The following POLA2 variants were observed in gnomAD, a reference collection of about 807,000 sequenced individuals.
POLA2 encodes DNA polymerase alpha 2, accessory subunit.
A neutral mutation model predicts 82.8 loss-of-function variants in POLA2; 47 were observed. That is an observed-to-expected ratio of 0.57 (90% confidence interval 0.45 to 0.72). The LOEUF (loss-of-function observed/expected upper bound fraction) is 0.72. Among genes scored for constraint, POLA2 ranks in the 30% least tolerant of loss-of-function variants. POLA2 has a pLI of 0.00. For synonymous variants in POLA2, 287 were observed against 286.8 expected, an observed-to-expected ratio of 1.00 and a Z score of -0.01; for missense variants, 634 against 728.1, an observed-to-expected ratio of 0.87 and a Z score of 1.49.
At chr11:65,300,651 C>G (rs1217595153), downstream of POLA2, among the ~76,000 whole-genome samples, 2 of 152,146 alleles carry the variant, frequency 1.3e-5, no homozygotes, top group Non-Finnish European at 2.9e-5. Flanking sequence ...GGCACGATCT[C>G]TGCTCACTGC....
At chr11:65,305,346 A>G (rs1461929277) in intron 8 of POLA2, 2 of 456,172 alleles carry the variant, frequency 4.4e-6, no homozygotes, top group South Asian at 1.5e-5. Context: ...AACTCTAACT[A>G]CACCCAAATT....
chr11:65,292,987 AAAAT>A (rs1406673568), intron 13 of POLA2, among the ~76,000 whole-genome samples: 2 of 152,220 alleles, frequency 1.3e-5, no homozygotes, highest in East Asian at 1.9e-4. Flanking sequence ...GTGGCTGGGA[AAAAT>A]AAATAGTTGG....
intron 7 of POLA2, 51 bp downstream of exon 7, chr11:65,279,677 G>A (rs1390621387): frequency 3.1e-6 from 4 of 1,273,700 alleles, no homozygotes; most frequent in South Asian, 1.2e-5. Flanking sequence ...TTTTTAAATC[G>A]ATGACCAAGA....
At chr11:65,302,198 C>T (rs1276358048), downstream of POLA2, among the ~76,000 whole-genome samples, 2 of 152,226 alleles carry the variant, frequency 1.3e-5, no homozygotes, top group Non-Finnish European at 2.9e-5. Flanking sequence ...ATCTTCTCTG[C>T]TCACTCCCAT....
At chr11:65,281,628 G>A (rs767799483) in intron 8 of POLA2, 42 bp from the exon 9 acceptor site, 33 of 1,382,924 alleles carry the variant, frequency 2.4e-5, no homozygotes, top group Non-Finnish European at 3.3e-5. Context: ...AGACCTCATT[G>A]ATCTCCACTG....
At chr11:65,284,117 GAGTAAGACACT>G (rs1949669420) in intron 10 of POLA2, among the ~76,000 whole-genome samples, 1 of 149,858 alleles carries the variant, frequency 6.7e-6, no homozygotes, top group African/African-American at 2.5e-5. Flanking sequence ...ATGGGTGAAA[GAGTAAGACACT>G]AGATAGATAG....
In POLA2 at chr11:65,268,687, A is replaced by C. The variant is rs1949489729; in HGVS notation, c.312A>C (p.Glu104Asp). Residue 104 changes from glutamate (E) to aspartate (D), a missense_variant, in exon 4 of 18, where the codon GAA becomes GAC. By Grantham distance (45) the Glu-to-Asp change is conservative. Transcript: ENST00000265465. The part of the protein sequence containing the change: ...VSIQELIEVE[E>D]EEEILLNSYT... ...GTGTTCTTAGAATTGAAGTGGAAGA[A>C]GAAGAGGAAATCCTCTTGAACTCTT... is the stretch of plus-strand genomic sequence containing the variant. 6.3e-7 allele frequency: 1 copy of C among 1,598,368 alleles called. No homozygotes were observed. The highest frequency in any genetic ancestry group is 8.5e-7 in the Non-Finnish European group (1 of 1,171,860).
At chr11:65,294,807 C>G (rs1201071109) in intron 15 of POLA2, 155 bp downstream of exon 15, 1 of 547,892 alleles carries the variant, frequency 1.8e-6, no homozygotes, top group Non-Finnish European at 3.2e-6. Flanking sequence ...CTGAGTTTCT[C>G]TGTACCCAAG....
chr11:65,271,348 C>A (rs188589719), intron 4 of POLA2, among the ~76,000 whole-genome samples: 5 of 152,278 alleles, frequency 3.3e-5, no homozygotes, highest in Admixed American at 3.3e-4. Flanking sequence ...CTTCACAGAT[C>A]CAGAATTTTA....
Position 65,269,403 on chromosome 11 carries a change from C to T in POLA2, c.354+674C>T, listed in dbSNP as rs992225459. On this transcript the variant is annotated intron_variant, in intron 4 of 17. Transcript: ENST00000265465. ...TTGGGAGGCTGAGGCAGGAGAATGG[C>T]GGGAACCTGGGAGGCAGAGCTTGCA... is the stretch of plus-strand genomic sequence containing the variant. Among the ~76,000 whole-genome samples the T allele has an allele frequency of 3.7e-4, 56 of 150,348 alleles. 3 individuals are homozygous for T. The highest frequency in any genetic ancestry group is 3.5e-3 in the Admixed American group (52 of 15,014).
chr11:65,283,655 C>G (rs1188433112), intron 10 of POLA2, among the ~76,000 whole-genome samples: 1 of 151,774 alleles, frequency 6.6e-6, no homozygotes, highest in Non-Finnish European at 1.5e-5. Context: ...TTACAAAACC[C>G]CATAGTGATG....
chr11:65,277,568 C>T (rs1232667825), intron 5 of POLA2, among the ~76,000 whole-genome samples: 8 of 152,186 alleles, frequency 5.3e-5, no homozygotes. Context: ...GCTTTCTAGA[C>T]TTAAGAGCAT....
chr11:65,276,790 CT>C (rs1267118697), intron 5 of POLA2, among the ~76,000 whole-genome samples: 287 of 137,734 alleles, frequency 2.1e-3, no homozygotes, highest in East Asian at 0.01. Context: ...AACTCTATCA[CT>C]TTTTTTTTTT....
downstream of POLA2, among the ~76,000 whole-genome samples, chr11:65,305,788 G>A (rs1239789428): frequency 6.6e-6 from 1 of 152,184 alleles, no homozygotes; most frequent in Non-Finnish European, 1.5e-5. Flanking sequence ...GTGTGAAAGG[G>A]CTTTTGTACA....
downstream of POLA2, among the ~76,000 whole-genome samples, chr11:65,301,611 G>A (rs1949859909): frequency 6.6e-6 from 1 of 152,118 alleles, no homozygotes; most frequent in Non-Finnish European, 1.5e-5. Flanking sequence ...GTGGCCGAGA[G>A]ATGGATGGGC....
chr11:65,279,935 C>T (rs1256414032), intron 7 of POLA2: 1 of 287,658 alleles, frequency 3.5e-6, no homozygotes, highest in East Asian at 6.8e-5. Context: ...GAAGCATTCA[C>T]GTATCGAGAT....
chr11:65,285,583 AAAAAAAAGAAAAAG>A (rs1281823325), intron 10 of POLA2, among the ~76,000 whole-genome samples: 2 of 151,696 alleles, frequency 1.3e-5, no homozygotes, highest in African/African-American at 4.8e-5. Context: ...TCAAAAAAAA[AAAAAAAAGAAAAAG>A]AAAAAAAAGA....
At chr11:65,267,821 C>A (rs531324166) in intron 3 of POLA2, among the ~76,000 whole-genome samples, 1 of 148,654 alleles carries the variant, frequency 6.7e-6, no homozygotes, top group East Asian at 2.0e-4. Context: ...GTTGGAGTTT[C>A]GCTCTTTTTG....
At position 65,280,771 on chromosome 11, in the gene POLA2, G is replaced by A; in HGVS notation, c.745-221G>A. The A allele has an allele frequency of 5.6e-6, 3 of 534,348 alleles. No homozygotes were observed. In the South Asian group the frequency reaches 6.4e-5, roughly 11 times the overall value. 33.1% of individuals were successfully genotyped at this position (534,348 alleles called of 1,614,324 possible). On this transcript the variant is annotated intron_variant, in intron 7 of 17. Transcript: ENST00000265465. The stretch of plus-strand genomic sequence containing the variant: ...TCACACTTAGGCAGCCTCCTAGGAA[G>A]GCTCAAGTGCTGGGTGGATGGGTGG...
Sources: gnomAD v4.1 joint callset for allele counts (sites outside exome capture counted in the v4.1 genomes callset) on GRCh38, gnomAD v4.1.1 for gene constraint, MANE v1.5 for transcripts, NCBI Gene and HGNC (gene_info 2026-07-23, HGNC 2026-07-21) for gene names.